The following TACC2 variants were observed in gnomAD, a reference collection of about 807,000 sequenced individuals.
The protein encoded by TACC2 is transforming acidic coiled-coil containing protein 2, also known as transforming acidic coiled-coil-containing protein 2.
Under a neutral mutation model 227.3 loss-of-function variants are expected in TACC2, and 137 were observed. The ratio of observed to expected loss-of-function variants is 0.60; its 90% CI spans 0.52 to 0.69. The LOEUF is 0.69. TACC2 is among the 30% of genes least tolerant of loss of function. The pLI is 0.00. For missense variants in TACC2, 3,470 were observed against 3,694.4 expected (o/e 0.94, Z 1.57); for synonymous variants, 1,523 against 1,487.5 (o/e 1.02, Z -0.55).
chr10:122,109,022 G>T (rs1215812012), intron 5 of TACC2, among the ~76,000 whole-genome samples: 3 of 152,190 alleles, frequency 2.0e-5, no homozygotes, highest in Non-Finnish European at 4.4e-5. Flanking sequence ...CATGAGCCAT[G>T]GCGCCTGGCC....
intron 13 of TACC2, among the ~76,000 whole-genome samples, chr10:122,226,713 A>G (rs2095636897): frequency 6.6e-6 from 1 of 151,924 alleles, no homozygotes; most frequent in Non-Finnish European, 1.5e-5. Context: ...TGCTGGGATT[A>G]TAGGCATGAG....
At chr10:122,231,860 T>G (rs2095756712) in intron 16 of TACC2, among the ~76,000 whole-genome samples, 1 of 152,080 alleles carries the variant, frequency 6.6e-6, no homozygotes. Flanking sequence ...AAAATACAAA[T>G]GGGAGCCCCT....
intron 8 of TACC2, among the ~76,000 whole-genome samples, chr10:122,199,963 GC>G (rs1235666573): frequency 6.6e-6 from 1 of 152,110 alleles, no homozygotes; most frequent in Non-Finnish European, 1.5e-5. Flanking sequence ...CCTCCCAAAG[GC>G]CCCACCTCCT....
At chr10:122,034,625 T>C (rs1341307942) in intron 2 of TACC2, among the ~76,000 whole-genome samples, 2 of 152,160 alleles carry the variant, frequency 1.3e-5, no homozygotes, top group African/African-American at 4.8e-5. Context: ...TACTGCAAGA[T>C]GGCTCTTAGA....
chr10:122,028,184 G>C (rs1252335453), intron 2 of TACC2, among the ~76,000 whole-genome samples: 1 of 139,966 alleles, frequency 7.1e-6, no homozygotes, highest in African/African-American at 2.8e-5. Flanking sequence ...CCAGTTCCTG[G>C]GTTCAAGCGA....
At chr10:121,996,066 A>G (rs755635206) in intron 1 of TACC2, among the ~76,000 whole-genome samples, 68 of 151,352 alleles carry the variant, frequency 4.5e-4, no homozygotes, top group Middle Eastern at 3.4e-3. Flanking sequence ...GGCCCTTTTC[A>G]TTTATATTTT....
chr10:122,115,271 AGTGTGTGTGTGTGTGT>A (rs1180604805), intron 5 of TACC2, among the ~76,000 whole-genome samples: 7,843 of 60,600 alleles, frequency 0.13, 225 homozygotes, highest in East Asian at 0.21. Context: ...TAGGTAGGTG[AGTGTGTGTGTGTGTGT>A]GTGTGTGTGT....
At chr10:122,236,922 GC>G (rs2095867868) in intron 16 of TACC2, among the ~76,000 whole-genome samples, 2 of 152,278 alleles carry the variant, frequency 1.3e-5, no homozygotes, top group South Asian at 4.2e-4. Flanking sequence ...CTAAACAAAT[GC>G]CCCCAAAATG....
chr10:122,077,603 G>T (rs1246242991), intron 3 of TACC2, among the ~76,000 whole-genome samples: 7 of 152,192 alleles, frequency 4.6e-5, no homozygotes, highest in Non-Finnish European at 7.3e-5. Context: ...AAGCCACAGT[G>T]GGGTGACAGG....
intron 6 of TACC2, among the ~76,000 whole-genome samples, chr10:122,134,597 C>A (rs949494339): frequency 7.2e-5 from 11 of 152,334 alleles, no homozygotes; most frequent in Admixed American, 3.3e-4. Context: ...AGACGTGGGG[C>A]ACCCCCTTCC....
At chr10:122,155,898 C>T (rs904237241) in intron 7 of TACC2, among the ~76,000 whole-genome samples, 9 of 132,310 alleles carry the variant, frequency 6.8e-5, no homozygotes, top group African/African-American at 1.7e-4. Flanking sequence ...AGTGCAGTGG[C>T]GCAATCTTGG....
In TACC2 at chr10:122,084,998, C is replaced by A; in HGVS notation, c.2498C>A (p.Ser833Tyr). ...LLSSEKHLQP[S>Y]QAQPETSIFD... ...TCTTCTGAGAAGCATCTCCAGCCAT[C>A]CCAGGCACAACCAGAGACATCCATC... The change falls in exon 4 of 23, where the codon TCC becomes TAC. Residue 833 changes from serine to tyrosine, a missense_variant. Physicochemically the swap from Ser to Tyr is moderately radical, Grantham distance 144. Coordinates refer to ENST00000369005, the MANE Select transcript of TACC2 (RefSeq NM_206862.4). 6.2e-7 allele frequency: 1 copy of A among 1,614,176 alleles called. No individual in the cohort carries two copies. Among genetic ancestry groups the A allele is most frequent in the Non-Finnish European group, 8.5e-7 (1 of 1,180,030 alleles).
chr10:122,130,580 G>A (rs2087866628), intron 5 of TACC2, among the ~76,000 whole-genome samples: 2 of 152,156 alleles, frequency 1.3e-5, no homozygotes, highest in African/African-American at 2.4e-5. Context: ...ACCGTGCCCA[G>A]CCCCTCTTCC....
chr10:122,206,413 G>A (rs992982187), intron 8 of TACC2, among the ~76,000 whole-genome samples: 3 of 152,218 alleles, frequency 2.0e-5, no homozygotes, highest in African/African-American at 7.2e-5. Flanking sequence ...TAAGGAGACA[G>A]TTAAGGTTGA....
intron 1 of TACC2, among the ~76,000 whole-genome samples, chr10:121,991,820 C>G (rs1262330704): frequency 6.6e-6 from 1 of 152,186 alleles, no homozygotes; most frequent in African/African-American, 2.4e-5. Context: ...GGGCAATTTA[C>G]ACAGGAAGAA....
rs751979400 is a variant in TACC2, at chr10:122,086,974, C to T, written c.4474C>T (p.Pro1492Ser). 7.3e-5 allele frequency: 118 copies of T among 1,613,958 alleles called. No individual in the cohort carries two copies. The East Asian group carries it at 2.5e-3, about 35-fold the overall frequency. ...GATTTCCCATCTGGCTCTGCAAGAT[C>T]CAGCTTCAGACAAGCTTCTGGGTCC... Reference protein sequence around the residue: ...AEISHLALQDPASDKLLGPAG... With the variant: ...AEISHLALQDSASDKLLGPAG... Residue 1492 changes from proline to serine, a missense_variant, in exon 4 of 23, where the codon CCA becomes TCA. Physicochemically the swap from Pro to Ser is moderately conservative, Grantham distance 74. Around this residue, in one of 10 missense-constraint regions of TACC2, gnomAD observed 1,924 missense variants for 1,978.3 expected, o/e 0.97. Coordinates refer to ENST00000369005, the MANE Select transcript of TACC2 (RefSeq NM_206862.4).
chr10:122,182,775 T>C (rs1035373610), intron 7 of TACC2, among the ~76,000 whole-genome samples: 1 of 150,430 alleles, frequency 6.6e-6, no homozygotes, highest in African/African-American at 2.5e-5. Context: ...GGGAGAAGAG[T>C]GAGGGGGCAT....
intron 16 of TACC2, among the ~76,000 whole-genome samples, chr10:122,235,148 G>A (rs943061865): frequency 9.2e-5 from 14 of 152,140 alleles, no homozygotes; most frequent in African/African-American, 2.6e-4. Flanking sequence ...GTGCAGTGGC[G>A]CGATCTCAGC....
At chr10:122,246,514 C>T (rs2096123375) in intron 19 of TACC2, 1 of 152,078 alleles carries the variant, frequency 6.6e-6, no homozygotes, top group East Asian at 1.9e-4. Context: ...CGTGTAGAGA[C>T]GTGGTTATGA....
Sources: allele counts gnomAD v4.1 joint callset (sites outside exome capture counted in the v4.1 genomes callset), GRCh38; gene constraint gnomAD v4.1.1; regional missense constraint gnomAD v4.1.1; transcripts MANE v1.5; gene names NCBI Gene and HGNC (gene_info 2026-07-23, HGNC 2026-07-21).